DGKB: variants seen among roughly 807,000 people sequenced by gnomAD.
The protein encoded by DGKB is diacylglycerol kinase beta.
In DGKB, 67 loss-of-function variants were observed where a neutral mutation model predicts 114.3. The observed-to-expected ratio is 0.59, with a 90% CI of 0.48 to 0.72. DGKB has a LOEUF of 0.72. Ranked by LOEUF, DGKB falls within the 30% of genes least tolerant of loss-of-function variation. DGKB has a pLI of 0.00. For synonymous variants in DGKB, 398 were observed against 323.1 expected (o/e 1.23, Z -2.49); for missense variants, 907 against 975.2 (o/e 0.93, Z 0.93).
chr7:14,540,531 A>G (rs1395022310), intron 20 of DGKB, among the ~76,000 whole-genome samples: 1 of 152,148 alleles, frequency 6.6e-6, no homozygotes, highest in African/African-American at 2.4e-5. Context: ...AATTCCTATC[A>G]TACTTTTCTG....
intron 20 of DGKB, among the ~76,000 whole-genome samples, chr7:14,572,569 A>G (rs888031847): frequency 2.0e-5 from 3 of 152,178 alleles, no homozygotes; most frequent in Non-Finnish European, 4.4e-5. Context: ...GAAATTCTGG[A>G]GTTAAAAAGT....
intron 23 of DGKB, among the ~76,000 whole-genome samples, chr7:14,297,187 C>T (rs1802734646): frequency 6.6e-6 from 1 of 152,138 alleles, no homozygotes; most frequent in African/African-American, 2.4e-5. Context: ...AAGAGGGACT[C>T]CTCCCTAGCT....
At chr7:14,369,942 T>G (rs1040598525) in intron 21 of DGKB, among the ~76,000 whole-genome samples, 2 of 152,376 alleles carry the variant, frequency 1.3e-5, no homozygotes, top group African/African-American at 4.8e-5. Context: ...CAGAAGCTGT[T>G]TCATTTCATT....
intron 5 of DGKB, among the ~76,000 whole-genome samples, chr7:14,734,998 C>T (rs1018317300): frequency 1.3e-5 from 2 of 152,194 alleles, no homozygotes; most frequent in African/African-American, 2.4e-5. Context: ...GCAAGAGAAC[C>T]TGCTGCTCCT....
intron 5 of DGKB, among the ~76,000 whole-genome samples, chr7:14,728,716 T>C (rs953960605): frequency 7.7e-4 from 117 of 151,220 alleles, no homozygotes; most frequent in African/African-American, 1.6e-3. Context: ...TTTTTTTTTT[T>C]TCTCTGAGAT....
chr7:14,541,904 T>C (rs978225036), intron 20 of DGKB, among the ~76,000 whole-genome samples: 2 of 152,192 alleles, frequency 1.3e-5, no homozygotes, highest in Admixed American at 6.5e-5. Flanking sequence ...TCTCAGCACA[T>C]TTAGATTTCT....
At chr7:14,322,391 G>A (rs547585483) in intron 23 of DGKB, among the ~76,000 whole-genome samples, 10 of 152,282 alleles carry the variant, frequency 6.6e-5, no homozygotes, top group South Asian at 2.1e-4. Flanking sequence ...AGTAGTGGGT[G>A]TAGGAGTCTT....
At chr7:14,361,426 C>A (rs1219475769) in intron 21 of DGKB, among the ~76,000 whole-genome samples, 16 of 151,826 alleles carry the variant, frequency 1.1e-4, no homozygotes, top group African/African-American at 3.9e-4. Flanking sequence ...ATCAGTAAAT[C>A]AATTATTATT....
rs79114577 is a variant in DGKB at position 14,402,355 on chromosome 7, C to T, written c.1836-56964G>A. On this transcript the variant is annotated intron_variant, in intron 21 of 25. Transcript: ENST00000402815. ...GATGATACTCCTACCCATATCAATG[C>T]CTAATTTTAATTCCAGGAACATAGT... Among the ~76,000 whole-genome samples the T allele has an allele frequency of 6.6e-3, 1,006 of 151,898 alleles. 4 individuals carry two copies. The highest frequency in any genetic ancestry group is 0.011 in the Non-Finnish European group (757 of 67,862).
intron 14 of DGKB, 83 bp from the exon 15 acceptor site, chr7:14,621,577 G>A: frequency 1.3e-6 from 1 of 789,500 alleles, no homozygotes; most frequent in Non-Finnish European, 2.0e-6. Context: ...TAATAGAAGA[G>A]TTTCATGGTT....
intron 13 of DGKB, among the ~76,000 whole-genome samples, chr7:14,645,310 A>C (rs913306416): frequency 2.0e-5 from 3 of 152,136 alleles, no homozygotes; most frequent in African/African-American, 4.8e-5. Flanking sequence ...CACGGACAAG[A>C]AACTGGAAAT....
At chr7:14,872,186 C>T (rs184367259) in intron 1 of DGKB, among the ~76,000 whole-genome samples, 138 of 152,208 alleles carry the variant, frequency 9.1e-4, no homozygotes, top group Admixed American at 1.3e-3. Flanking sequence ...TTTCTCATTG[C>T]GTAAATATGC....
chr7:14,614,062 C>T (rs1185166112), intron 15 of DGKB, among the ~76,000 whole-genome samples: 1 of 152,174 alleles, frequency 6.6e-6, no homozygotes, highest in Non-Finnish European at 1.5e-5. Flanking sequence ...CACGAATTGA[C>T]TCGACTATAC....
intron 1 of DGKB, among the ~76,000 whole-genome samples, chr7:14,962,896 A>G (rs1413784899): frequency 6.6e-6 from 1 of 152,134 alleles, no homozygotes; most frequent in Non-Finnish European, 1.5e-5. Flanking sequence ...GGCAAGATAT[A>G]AACTATATTG....
At chr7:14,886,755 A>T (rs935022422) in intron 1 of DGKB, among the ~76,000 whole-genome samples, 21 of 151,854 alleles carry the variant, frequency 1.4e-4, no homozygotes, top group African/African-American at 4.8e-4. Context: ...AGCACATTGC[A>T]GCTAGAGTAA....
At chr7:14,169,502 T>G (rs1018928429) in intron 25 of DGKB, among the ~76,000 whole-genome samples, 7 of 152,128 alleles carry the variant, frequency 4.6e-5, no homozygotes, top group African/African-American at 1.7e-4. Context: ...GGTAAGGATT[T>G]GAGGCAAAAA....
intron 7 of DGKB, 43 bp from the exon 8 acceptor site, chr7:14,698,212 A>G: frequency 1.6e-6 from 2 of 1,244,768 alleles, no homozygotes; most frequent in African/African-American, 1.6e-5. Flanking sequence ...ACAAGATCTT[A>G]GTGAGTTTTA....
intron 23 of DGKB, among the ~76,000 whole-genome samples, chr7:14,225,263 G>A (rs962986079): frequency 8.6e-5 from 13 of 152,038 alleles, no homozygotes; most frequent in African/African-American, 3.1e-4. Context: ...GGGGACAATA[G>A]TACAGTCTTT....
chr7:14,598,498 T>A (rs1802975532), intron 17 of DGKB, among the ~76,000 whole-genome samples: 1 of 152,224 alleles, frequency 6.6e-6, no homozygotes, highest in Admixed American at 6.5e-5. Context: ...TTCTTCAGCA[T>A]AGTTGTGTTT....
Sources: gnomAD v4.1 joint callset for allele counts (sites outside exome capture counted in the v4.1 genomes callset) on GRCh38, gnomAD v4.1.1 for gene constraint, MANE v1.5 for transcripts, NCBI Gene and HGNC (gene_info 2026-07-23, HGNC 2026-07-21) for gene names.